PLXND1: variants seen among roughly 807,000 people sequenced by gnomAD.
PLXND1 encodes plexin D1.
PLXND1 carries 54 observed loss-of-function variants against 197.7 expected under a neutral mutation model. The ratio of observed to expected loss-of-function variants is 0.27; its 90% CI spans 0.22 to 0.34. The LOEUF is 0.34. Among genes scored for constraint, PLXND1 ranks in the 10% least tolerant of loss-of-function variants. The pLI is 1.00. For missense variants in PLXND1, 2,127 were observed against 2,699.2 expected, an observed-to-expected ratio of 0.79 and a Z score of 4.70; for synonymous variants, 1,180 against 1,161.2, an observed-to-expected ratio of 1.02 and a Z score of -0.33.
Position 129,557,044 on chromosome 3 carries a change from C to T in PLXND1, c.5586+39G>A. ...CAGCCCCCGACCCCCGATCCCTCAG[C>T]TCTTCAGGCCCCCATCCCCCGCCGC... On this transcript the variant is annotated intron_variant, in intron 34 of 35. Transcript: ENST00000324093. This position sits in a 1 kb window ranked among gnomAD's most constrained non-coding sequence, Gnocchi z 4.8. 6.2e-7 allele frequency: 1 copy of T among 1,608,810 alleles called. No homozygotes were observed. The highest frequency in any genetic ancestry group is 8.5e-7 in the Non-Finnish European group (1 of 1,178,362).
chr3:129,575,478 G>C lies in PLXND1; in HGVS notation c.2521C>G (p.Pro841Ala), dbSNP rs779817895. The change falls in exon 11 of 36, where the codon CCC becomes GCC. Residue 841 changes from proline (P) to alanine (A), a missense_variant. Transcript: ENST00000324093. Reference sequence around the variant, plus strand: ...GGGTGGGGGTGCCCACCTGTCATGGGCTCAGGGCTGTCCAGGAATCGGGCT... The same window carrying C: ...GGGTGGGGGTGCCCACCTGTCATGGCCTCAGGGCTGTCCAGGAATCGGGCT... ...RPARFLDSPE[P>A]MTVMVYNCAM... 6.4e-6 allele frequency: 10 copies of C among 1,551,274 alleles called. No individual in the cohort carries two copies. The highest frequency in any genetic ancestry group is 8.7e-6 in the Non-Finnish European group (10 of 1,146,314).
At chr3:129,589,312 C>CCCCCCCCCCCCCCCCCCCCA in intron 2 of PLXND1, 39 bp downstream of exon 2, 1 of 481,102 alleles carries the variant, frequency 2.1e-6, no homozygotes, top group Admixed American at 3.1e-5. Context: ...GGGGAGCCTC[C>CCCCCCCCCCCCCCCCCCCCA]CACCCCCACC....
intron 25 of PLXND1, 101 bp from the exon 26 acceptor site, chr3:129,563,341 C>A: frequency 4.1e-6 from 4 of 967,732 alleles, no homozygotes; most frequent in Admixed American, 2.9e-5. Context: ...ACCCCTCCAA[C>A]AGTCTCCTTT....
Position 129,561,875 on chromosome 3 carries a change from G to A in PLXND1, c.4854C>T (p.Tyr1618=). The change falls in exon 28 of 36, where the codon TAC becomes TAT. Residue 1618 remains tyrosine (Y), a synonymous_variant. Coordinates refer to ENST00000324093, the MANE Select transcript of PLXND1 (RefSeq NM_015103.3). ...LEWFASSTQS[Y]ILRDLDDTSV... is the part of the protein sequence containing the mutation. ...AGGTGTCGTCCAGGTCCCGAAGGATGTAGCTCTGTGTGCTGGAGGCGAACC... is the reference window on the plus strand; with the variant it reads ...AGGTGTCGTCCAGGTCCCGAAGGATATAGCTCTGTGTGCTGGAGGCGAACC... The A allele has an allele frequency of 6.2e-7, 1 of 1,613,910 alleles. No homozygotes were observed. The highest frequency in any genetic ancestry group is 1.1e-5 in the South Asian group (1 of 91,074).
At position 129,605,750 on chromosome 3, in the gene PLXND1, G is replaced by A. The variant is rs1459990912; in HGVS notation, c.890C>T (p.Ala297Val). 3 of 1,555,878 alleles carry A rather than the reference G, an allele frequency of 1.9e-6. No homozygotes were observed. The highest frequency in any genetic ancestry group is 4.8e-5 in the East Asian group (2 of 41,266). Reference protein sequence around the residue: ...SDPPPGAQSYAYLALNSEARA... With the variant: ...SDPPPGAQSYVYLALNSEARA... ...CGCCTCGCTGTTGAGCGCCAGGTAC[G>A]CGTAGGACTGTGCACCCGGCGGCGG... Residue 297 changes from alanine (A) to valine (V), a missense_variant, in exon 1 of 36, where the codon GCG becomes GTG. Physicochemically the swap from Ala to Val is moderately conservative, Grantham distance 64. Around this residue, in one of 6 missense-constraint regions of PLXND1, gnomAD observed 1,095 missense variants for 1,259.8 expected, o/e 0.87. Transcript: ENST00000324093.
intron 22 of PLXND1, 102 bp from the exon 23 acceptor site, chr3:129,566,733 G>T (rs1400150950): frequency 1.5e-6 from 1 of 680,888 alleles, no homozygotes; most frequent in Non-Finnish European, 2.5e-6. Context: ...GCTGCTGGGG[G>T]AAACTGGCAC....
intron 12 of PLXND1, 26 bp from the exon 13 acceptor site, chr3:129,573,771 G>T (rs111775109): frequency 6.2e-7 from 1 of 1,608,230 alleles, no homozygotes; most frequent in East Asian, 2.2e-5. Context: ...AGAGAGGGGC[G>T]AATGGGATCT....
At chr3:129,584,320 T>C in intron 6 of PLXND1, 65 bp downstream of exon 6, 1 of 1,598,098 alleles carries the variant, frequency 6.3e-7, no homozygotes, top group East Asian at 2.2e-5. Context: ...CCCCCTGCCA[T>C]CCCCATGCCT....
intron 1 of PLXND1, among the ~76,000 whole-genome samples, chr3:129,602,125 C>T (rs2085717346): frequency 6.6e-6 from 1 of 152,170 alleles, no homozygotes; most frequent in South Asian, 2.1e-4. Context: ...TCATTTAATA[C>T]CCCCAACAGC....
intron 1 of PLXND1, among the ~76,000 whole-genome samples, chr3:129,597,229 C>T (rs2085638640): frequency 2.0e-5 from 3 of 151,970 alleles, no homozygotes; most frequent in Admixed American, 6.5e-5. Context: ...TCCAGATCCC[C>T]GCCCTTAACC....
At chr3:129,561,396 C>T (rs930142386) in intron 29 of PLXND1, among the ~76,000 whole-genome samples, 1 of 152,232 alleles carries the variant, frequency 6.6e-6, no homozygotes, top group Non-Finnish European at 1.5e-5. Flanking sequence ...CCCAGACCTC[C>T]TGGAACTGCA....
intron 8 of PLXND1, among the ~76,000 whole-genome samples, chr3:129,582,481 A>G (rs1387237614): frequency 6.6e-6 from 1 of 152,190 alleles, no homozygotes; most frequent in African/African-American, 2.4e-5. Flanking sequence ...CTTTGCCTGG[A>G]GAGATGAGCT....
At chr3:129,605,111 A>C in intron 1 of PLXND1, among the ~76,000 whole-genome samples, 1 of 152,212 alleles carries the variant, frequency 6.6e-6, no homozygotes, top group East Asian at 1.9e-4. Flanking sequence ...CACTCACTTG[A>C]GTCCCTGCAC....
chr3:129,572,368 C>A lies in PLXND1; in HGVS notation c.3077+241G>T, dbSNP rs544765250. Among the ~76,000 whole-genome samples, 3 of 152,362 alleles carry A rather than the reference C, an allele frequency of 2.0e-5. No individual in the cohort carries two copies. In the South Asian group the frequency reaches 6.2e-4, roughly 32 times the overall value. ...TGTGCAATCAACACCATTCTCATTA[C>A]AGCTATCACTTATGGAGCAACTACT... On this transcript the variant is annotated intron_variant, in intron 15 of 35. Transcript: ENST00000324093.
In PLXND1 at chr3:129,558,336, G is replaced by T; in HGVS notation, c.5445+92C>A. On this transcript the variant is annotated intron_variant, in intron 33 of 35. Transcript: ENST00000324093. This position sits in a 1 kb window ranked among gnomAD's most constrained non-coding sequence, Gnocchi z 4.1. ...GTTCCCCTCCCAGGAAGATCTCTGAGCTCAGCCTCAGAGAGTCGAGGAGGC... is the reference window on the plus strand; with the variant it reads ...GTTCCCCTCCCAGGAAGATCTCTGATCTCAGCCTCAGAGAGTCGAGGAGGC... 1 of 1,258,712 alleles carries T rather than the reference G, an allele frequency of 7.9e-7. No homozygotes were observed. The highest frequency in any genetic ancestry group is 1.1e-6 in the Non-Finnish European group (1 of 900,282). 78.0% of individuals were successfully genotyped at this position (1,258,712 alleles called of 1,614,324 possible).
chr3:129,594,487 T>C (rs1449400782), intron 1 of PLXND1, among the ~76,000 whole-genome samples: 2 of 151,644 alleles, frequency 1.3e-5, no homozygotes, highest in Non-Finnish European at 2.9e-5. Context: ...CTCGAAAAAA[T>C]AAAAATAAAA....
At position 129,563,087 on chromosome 3, in the gene PLXND1, G is replaced by A. The variant is rs201443041; in HGVS notation, c.4668+7C>T. On this transcript the variant is annotated splice_region_variant and intron_variant, in intron 26 of 35. Transcript: ENST00000324093. ...GCCCTGGGACCCTCCCCGCCCTGCC[G>A]ACTTACCCGGGGCTTGGCCTCGATG... The A allele has an allele frequency of 2.4e-4, 382 of 1,613,396 alleles. No individual in the cohort carries two copies. The African/African-American group carries it at 3.7e-3, about 16-fold the overall frequency.
intron 19 of PLXND1, among the ~76,000 whole-genome samples, chr3:129,570,258 T>C (rs1307661522): frequency 1.3e-5 from 2 of 152,064 alleles, no homozygotes; most frequent in Admixed American, 1.3e-4. Flanking sequence ...GGGGCCTGGC[T>C]GCTGTCCCCA....
intron 1 of PLXND1, among the ~76,000 whole-genome samples, chr3:129,593,119 T>C (rs918584297): frequency 1.3e-5 from 2 of 152,168 alleles, no homozygotes; most frequent in African/African-American, 2.4e-5. Context: ...CAGGGCCATC[T>C]TTCTCTCACA....
Sources: allele counts gnomAD v4.1 joint callset (sites outside exome capture counted in the v4.1 genomes callset), GRCh38; gene constraint gnomAD v4.1.1; regional missense constraint gnomAD v4.1.1; non-coding constraint Gnocchi (gnomAD v3.1); transcripts MANE v1.5; gene names NCBI Gene and HGNC (gene_info 2026-07-23, HGNC 2026-07-21).